The following APBA2 variants were observed in gnomAD, a reference collection of about 807,000 sequenced individuals.
APBA2 encodes the protein amyloid beta precursor protein binding family A member 2, also known as amyloid-beta A4 precursor protein-binding family A member 2.
Under a neutral mutation model 75.0 loss-of-function variants are expected in APBA2, and 30 were observed. The ratio of observed to expected loss-of-function variants is 0.40; its 90% confidence interval spans 0.30 to 0.54. The LOEUF (loss-of-function observed/expected upper bound fraction) is 0.54. APBA2 is among the 20% of genes least tolerant of loss of function. The pLI is 0.49. For synonymous variants in APBA2, 444 were observed against 409.6 expected (o/e 1.08, Z -1.01); for missense variants, 801 against 1,016.1 (o/e 0.79, Z 2.88).
At chr15:29,105,126 ACAGT>A (rs2044328363) in intron 10 of APBA2, among the ~76,000 whole-genome samples, 1 of 152,212 alleles carries the variant, frequency 6.6e-6, no homozygotes, top group South Asian at 2.1e-4. Flanking sequence ...TTAGGCAGGG[ACAGT>A]CAGGAGTAGA....
chr15:29,065,020 T>C (rs1326550631), intron 4 of APBA2, among the ~76,000 whole-genome samples: 2 of 152,010 alleles, frequency 1.3e-5, no homozygotes, highest in Admixed American at 1.3e-4. Context: ...TGTGTGTGTG[T>C]GTGTGTGCAC....
rs1262725299 is a variant in APBA2, at chr15:28,969,143, T to TCTTGCTTTCTTTCTTG, written c.-94-26607_-94-26606insGCTTTCTTTCTTGCTT. On this transcript the variant is annotated intron_variant, in intron 2 of 14. Transcript: ENST00000683413. ...TTTCATTTCTTTTTCTTTCTTTCTTTCTTTCTTTCTTTCTTTCTTTCTTTC... is the reference window on the plus strand; with the variant it reads ...TTTCATTTCTTTTTCTTTCTTTCTTTCTTGCTTTCTTTCTTGCTTTCTTTCTTTCTTTCTTTCTTTC... Among the ~76,000 whole-genome samples, 6 of 74,604 alleles carry TCTTGCTTTCTTTCTTG rather than the reference T, an allele frequency of 8.0e-5. No homozygotes were observed. The African/African-American group carries it at 2.9e-3, about 37-fold the overall frequency. 48.9% of individuals were successfully genotyped at this position (74,604 alleles called of 152,430 possible).
chr15:29,028,246 T>A (rs2040324906), intron 3 of APBA2, among the ~76,000 whole-genome samples: 1 of 151,828 alleles, frequency 6.6e-6, no homozygotes. Context: ...AGTGAGAACA[T>A]GTGATGTTTG....
intron 2 of APBA2, among the ~76,000 whole-genome samples, chr15:28,945,929 T>C (rs753707919): frequency 6.6e-6 from 1 of 152,196 alleles, no homozygotes; most frequent in East Asian, 1.9e-4. Context: ...GGGCCGACAG[T>C]GTATGAGGGT....
intron 2 of APBA2, among the ~76,000 whole-genome samples, chr15:28,982,870 G>A (rs2037700407): frequency 6.6e-6 from 1 of 152,192 alleles, no homozygotes; most frequent in South Asian, 2.1e-4. Flanking sequence ...ATTAGAGATC[G>A]CAATAACGGG....
At chr15:28,913,032 G>C (rs1252094198) in intron 1 of APBA2, among the ~76,000 whole-genome samples, 2 of 152,328 alleles carry the variant, frequency 1.3e-5, no homozygotes, top group East Asian at 3.9e-4. Context: ...TCACGCATCT[G>C]CACTATCTGG....
At chr15:29,063,589 C>G (rs1411445643) in intron 4 of APBA2, among the ~76,000 whole-genome samples, 2 of 134,978 alleles carry the variant, frequency 1.5e-5, no homozygotes, top group African/African-American at 5.8e-5. Flanking sequence ...GGGAGTTGAT[C>G]TGGTCAGTGT....
intron 6 of APBA2, among the ~76,000 whole-genome samples, chr15:29,085,994 T>TA (rs910551042): frequency 2.0e-5 from 3 of 152,316 alleles, no homozygotes; most frequent in South Asian, 4.1e-4. Flanking sequence ...GGGATGGACT[T>TA]ACTGAGCTGC....
intron 3 of APBA2, among the ~76,000 whole-genome samples, chr15:29,035,278 A>G (rs2040687061): frequency 6.6e-6 from 1 of 152,196 alleles, no homozygotes; most frequent in African/African-American, 2.4e-5. Context: ...AATGATTGCA[A>G]TCGTGGGGTC....
intron 11 of APBA2, 142 bp downstream of exon 11, chr15:29,105,700 C>T (rs1038057594): frequency 6.0e-5 from 51 of 852,750 alleles, no homozygotes; most frequent in Admixed American, 5.4e-4. Flanking sequence ...ATGTGCACCT[C>T]GCTCCTGCCT....
chr15:28,992,249 G>A (rs563760028), intron 2 of APBA2, among the ~76,000 whole-genome samples: 1 of 152,200 alleles, frequency 6.6e-6, no homozygotes, highest in African/African-American at 2.4e-5. Context: ...GGGTCACCTT[G>A]GGTCCCTGAG....
chr15:29,048,834 T>G lies in APBA2; in HGVS notation c.-40-5011T>G, dbSNP rs538440662. Among the ~76,000 whole-genome samples the G allele has an allele frequency of 4.4e-3, 663 of 151,432 alleles. 4 individuals are homozygous for G. Among genetic ancestry groups the G allele is most frequent in the Non-Finnish European group, 6.9e-3 (470 of 67,914 alleles). ...CGCACCTACCTGTAGTCCTAGCTAC[T>G]CGGGAGGCTGAGGCAGGAGAATCAC... On this transcript the variant is annotated intron_variant, in intron 3 of 14. Coordinates refer to ENST00000683413, the MANE Select transcript of APBA2 (RefSeq NM_001353788.2).
chr15:29,001,315 A>G (rs1487755228), intron 3 of APBA2, among the ~76,000 whole-genome samples: 3 of 152,080 alleles, frequency 2.0e-5, no homozygotes, highest in African/African-American at 7.2e-5. Context: ...GGCTCAAGCA[A>G]TCTTCCCACC....
intron 6 of APBA2, among the ~76,000 whole-genome samples, chr15:29,085,080 G>C (rs772613688): frequency 6.6e-6 from 1 of 152,106 alleles, no homozygotes; most frequent in Non-Finnish European, 1.5e-5. Context: ...CCAAATGGTG[G>C]TGTTCTAATT....
intron 7 of APBA2, among the ~76,000 whole-genome samples, chr15:29,093,508 C>A (rs961969842): frequency 6.6e-6 from 1 of 152,234 alleles, no homozygotes; most frequent in Admixed American, 6.5e-5. Flanking sequence ...CAAACAATCC[C>A]AAATCCCAGT....
At chr15:29,074,842 A>G (rs2042778252) in intron 4 of APBA2, 79 bp from the exon 5 acceptor site, 1 of 1,329,030 alleles carries the variant, frequency 7.5e-7, no homozygotes, top group Non-Finnish European at 1.1e-6. Context: ...ACAAAATTGT[A>G]TCACATTGCA....
intron 2 of APBA2, among the ~76,000 whole-genome samples, chr15:28,939,739 C>G (rs999657408): frequency 7.2e-5 from 11 of 152,208 alleles, no homozygotes; most frequent in African/African-American, 2.4e-4. Flanking sequence ...TCACTGCCTT[C>G]CCCATGGACA....
At chr15:29,040,374 G>C (rs1470583042) in intron 3 of APBA2, among the ~76,000 whole-genome samples, 1 of 152,254 alleles carries the variant, frequency 6.6e-6, no homozygotes, top group Admixed American at 6.5e-5. Flanking sequence ...AGGTGCATCT[G>C]GTAGTAGCGG....
intron 13 of APBA2, among the ~76,000 whole-genome samples, chr15:29,111,909 C>T (rs1487499373): frequency 6.6e-6 from 1 of 152,172 alleles, no homozygotes; most frequent in Non-Finnish European, 1.5e-5. Flanking sequence ...CTGGTCCAAG[C>T]CCCTCGTCCC....
Sources: gnomAD v4.1 joint callset for allele counts (sites outside exome capture counted in the v4.1 genomes callset) on GRCh38, gnomAD v4.1.1 for gene constraint, MANE v1.5 for transcripts, NCBI Gene and HGNC (gene_info 2026-07-23, HGNC 2026-07-21) for gene names.